The following MYOF variants were observed in gnomAD, a reference collection of about 807,000 sequenced individuals.
The protein encoded by MYOF is fer-1-like 3, myoferlin.
Under a neutral mutation model 284.2 loss-of-function variants are expected in MYOF, and 244 were observed. The ratio of observed to expected loss-of-function variants is 0.86; its 90% CI spans 0.77 to 0.95. MYOF has a LOEUF of 0.95. Ranked by LOEUF, MYOF falls within the 40% of genes least tolerant of loss-of-function variation. MYOF has a pLI of 0.00. For synonymous variants in MYOF, 904 were observed against 919.7 expected, an observed-to-expected ratio of 0.98 and a Z score of 0.31; for missense variants, 2,496 against 2,560.6, an observed-to-expected ratio of 0.97 and a Z score of 0.54.
intron 25 of MYOF, among the ~76,000 whole-genome samples, chr10:93,367,413 AAGG>A (rs1299193969): frequency 2.0e-5 from 3 of 152,208 alleles, no homozygotes; most frequent in Admixed American, 2.0e-4. Flanking sequence ...CTGAAGGAGA[AAGG>A]AGGAGATTTG....
intron 1 of MYOF, among the ~76,000 whole-genome samples, chr10:93,458,096 T>TAATC (rs1490295371): frequency 5.9e-5 from 9 of 152,170 alleles, no homozygotes; most frequent in Middle Eastern, 3.4e-3. Flanking sequence ...TGCACGCCTG[T>TAATC]AATCCCAGCA....
intron 2 of MYOF, among the ~76,000 whole-genome samples, chr10:93,455,492 A>G (rs1294913387): frequency 1.3e-5 from 2 of 151,964 alleles, no homozygotes; most frequent in Non-Finnish European, 2.9e-5. Flanking sequence ...ACACGGCAAA[A>G]GCCCATCTCT....
At chr10:93,318,610 T>G (rs2133748124) in intron 49 of MYOF, among the ~76,000 whole-genome samples, 1 of 151,984 alleles carries the variant, frequency 6.6e-6, no homozygotes, top group South Asian at 2.1e-4. Flanking sequence ...AGTACAAAAT[T>G]AGCTGGGCGT....
At chr10:93,374,116 G>A (rs1451249829) in intron 23 of MYOF, among the ~76,000 whole-genome samples, 1 of 152,086 alleles carries the variant, frequency 6.6e-6, no homozygotes, top group Non-Finnish European at 1.5e-5. Flanking sequence ...GCGGTGTTTG[G>A]TTTTCTGTCC....
chr10:93,321,411 CCT>C (rs1842834116), intron 48 of MYOF, among the ~76,000 whole-genome samples: 1 of 137,298 alleles, frequency 7.3e-6, no homozygotes, highest in East Asian at 2.0e-4. Flanking sequence ...TGACTATTAA[CCT>C]TTTTTTTTTT....
intron 15 of MYOF, 169 bp downstream of exon 15, chr10:93,397,078 G>A: frequency 1.9e-6 from 1 of 537,858 alleles, no homozygotes; most frequent in Non-Finnish European, 3.2e-6. Context: ...TTTTTTTGCA[G>A]TAACACTATT....
At chr10:93,434,442 A>C (rs78261845) in intron 3 of MYOF, among the ~76,000 whole-genome samples, 8,450 of 151,614 alleles carry the variant, frequency 0.056, 600 homozygotes, top group African/African-American at 0.16. Context: ...AAAAAAAAAA[A>C]AAAAACAAAA....
At chr10:93,348,363 C>T (rs964163168) in intron 36 of MYOF, among the ~76,000 whole-genome samples, 5 of 152,322 alleles carry the variant, frequency 3.3e-5, no homozygotes, top group African/African-American at 9.6e-5. Flanking sequence ...CTCCTCAACT[C>T]CCCCTGGCTC....
At chr10:93,409,801 C>A (rs1847822737) in intron 5 of MYOF, 62 bp from the exon 6 acceptor site, 1 of 1,576,002 alleles carries the variant, frequency 6.3e-7, no homozygotes, top group Non-Finnish European at 8.6e-7. Context: ...TCCAAAGGCT[C>A]AGGTTTCCAG....
Position 93,333,913 on chromosome 10 carries a change from C to T in MYOF, c.4564G>A (p.Gly1522Ser). The T allele has an allele frequency of 2.5e-6, 4 of 1,613,612 alleles. No homozygotes were observed. The highest frequency in any genetic ancestry group is 3.4e-6 in the Non-Finnish European group (4 of 1,179,828). The change falls in exon 42 of 54, where the codon GGC becomes AGC. Residue 1522 changes from glycine to serine, a missense_variant and splice_region_variant. Physicochemically the swap from Gly to Ser is moderately conservative, Grantham distance 56 (BLOSUM62 0). Coordinates refer to ENST00000359263, the MANE Select transcript of MYOF (RefSeq NM_013451.4). ...GGCAGAGGGTAGATCCGAAAGGAGC[C>T]CTAAAAGAGAGAGACAGAAGGACTC... ...EDPSVVGEFK[G>S]SFRIYPLPDD...
At chr10:93,452,789 C>G (rs1244309595) in intron 2 of MYOF, among the ~76,000 whole-genome samples, 1 of 152,156 alleles carries the variant, frequency 6.6e-6, no homozygotes, top group African/African-American at 2.4e-5. Flanking sequence ...TTTAAATTAT[C>G]TGCTCTTCTT....
At chr10:93,383,286 TAC>T (rs1180845770) in intron 19 of MYOF, among the ~76,000 whole-genome samples, 1 of 152,182 alleles carries the variant, frequency 6.6e-6, no homozygotes, top group Non-Finnish European at 1.5e-5. Context: ...ATCCTTCTAT[TAC>T]AGAGTCTCCA....
intron 47 of MYOF, 27 bp from the exon 48 acceptor site, chr10:93,323,200 T>G: frequency 1.9e-6 from 3 of 1,611,900 alleles, no homozygotes; most frequent in Non-Finnish European, 2.5e-6. Flanking sequence ...TGGAAGGTAC[T>G]TTTTTTTCTG....
rs1287691970 is a variant in MYOF at position 93,369,676 on chromosome 10, G to A, written c.2558C>T (p.Ala853Val). 8.1e-6 allele frequency: 13 copies of A among 1,614,086 alleles called. No individual in the cohort carries two copies. The highest frequency in any genetic ancestry group is 1.3e-5 in the African/African-American group (1 of 74,924). Residue 853 changes from alanine (A) to valine (V), a missense_variant, in exon 25 of 54, where the codon GCA becomes GTA. Around this residue, in one of 3 missense-constraint regions of MYOF, gnomAD observed 2,436 missense variants for 2,480.7 expected, o/e 0.98. Coordinates refer to ENST00000359263, the MANE Select transcript of MYOF (RefSeq NM_013451.4). ...AGCAAAGACGGTGAAAGTTCCTTCT[G>A]CGAAGCTGTTAAACTTCTTCTCCAC... ...SAVEKKFNSF[A>V]EGTFTVFAEM...
intron 22 of MYOF, 75 bp from the exon 23 acceptor site, chr10:93,375,030 C>T (rs1845771665): frequency 1.4e-6 from 2 of 1,383,706 alleles, no homozygotes. Flanking sequence ...CTGTCAAATA[C>T]ATTTATGTTG....
intron 18 of MYOF, among the ~76,000 whole-genome samples, chr10:93,388,768 T>A (rs1466747965): frequency 6.6e-6 from 1 of 152,186 alleles, no homozygotes; most frequent in African/African-American, 2.4e-5. Context: ...TGAAAAGAAT[T>A]CCAAGGCAGC....
At chr10:93,363,395 G>C (rs566243280) in intron 27 of MYOF, among the ~76,000 whole-genome samples, 2 of 152,324 alleles carry the variant, frequency 1.3e-5, no homozygotes, top group South Asian at 4.1e-4. Context: ...GCTGAGCTTG[G>C]TGTCTCATGC....
chr10:93,322,909 GCTCT>G (rs1039994927), intron 48 of MYOF, among the ~76,000 whole-genome samples, 165 bp downstream of exon 48: 1 of 152,166 alleles, frequency 6.6e-6, no homozygotes, highest in Admixed American at 6.5e-5. Context: ...TACAGGTCTT[GCTCT>G]CTCTCCTTTG....
chr10:93,401,322 C>T (rs980456569), intron 12 of MYOF, 96 bp downstream of exon 12: 44 of 1,493,902 alleles, frequency 2.9e-5, no homozygotes, highest in South Asian at 9.2e-5. Flanking sequence ...GAAAAACATA[C>T]GATAGGGACA....
Sources: gnomAD v4.1 joint callset for allele counts (sites outside exome capture counted in the v4.1 genomes callset) on GRCh38, gnomAD v4.1.1 for gene constraint, gnomAD v4.1.1 regional missense constraint, MANE v1.5 for transcripts, NCBI Gene and HGNC (gene_info 2026-07-23, HGNC 2026-07-21) for gene names.